Variants in HPCAL1 observed in about 807,000 individuals in gnomAD.
HPCAL1 encodes hippocalcin like 1, also known as hippocalcin-like protein 1.
HPCAL1 carries 8 observed loss-of-function variants against 17.1 expected under a neutral mutation model. The observed-to-expected ratio is 0.47, with a 90% CI of 0.27 to 0.84. The LOEUF is 0.84. HPCAL1 is among the 40% of genes least tolerant of loss of function. HPCAL1 has a pLI of 0.13. For synonymous variants in HPCAL1, 112 were observed against 111.4 expected, an observed-to-expected ratio of 1.01 and a Z score of -0.03; for missense variants, 165 against 271.1, an observed-to-expected ratio of 0.61 and a Z score of 2.75.
intron 1 of HPCAL1, among the ~76,000 whole-genome samples, chr2:10,356,974 G>A (rs1237063942): frequency 1.3e-5 from 2 of 152,206 alleles, no homozygotes; most frequent in South Asian, 2.1e-4. Context: ...TTAGCTAGGC[G>A]TGGTGGCACA....
At chr2:10,317,837 C>G (rs1663415906) in intron 1 of HPCAL1, among the ~76,000 whole-genome samples, 1 of 152,218 alleles carries the variant, frequency 6.6e-6, no homozygotes, top group Admixed American at 6.5e-5. Context: ...GATCCTAGAC[C>G]ACATGAAGCC....
chr2:10,307,587 C>T (rs1401670904), intron 1 of HPCAL1, among the ~76,000 whole-genome samples: 1 of 152,134 alleles, frequency 6.6e-6, no homozygotes, highest in Non-Finnish European at 1.5e-5. Flanking sequence ...TGTCTCCTAC[C>T]TATTATGGTC....
chr2:10,326,192 TG>T, intron 1 of HPCAL1, among the ~76,000 whole-genome samples: 1 of 152,220 alleles, frequency 6.6e-6, no homozygotes, highest in East Asian at 1.9e-4. Flanking sequence ...GAGGGGTGGG[TG>T]GTAAACGTTC....
chr2:10,423,565 C>T (rs1671204568), intron 4 of HPCAL1: 1 of 167,246 alleles, frequency 6.0e-6, no homozygotes. Flanking sequence ...GCCACCTTGT[C>T]CACCTACAGC....
intron 1 of HPCAL1, among the ~76,000 whole-genome samples, chr2:10,393,855 C>G (rs1668848078): frequency 6.6e-6 from 1 of 151,906 alleles, no homozygotes; most frequent in South Asian, 2.1e-4. Flanking sequence ...TGGCTCACAC[C>G]TGTAATCCCA....
intron 1 of HPCAL1, among the ~76,000 whole-genome samples, chr2:10,308,678 C>T (rs1558446537): frequency 6.6e-6 from 1 of 152,168 alleles, no homozygotes; most frequent in African/African-American, 2.4e-5. Context: ...GCACTGGCAC[C>T]TACAGAATAC....
At chr2:10,405,616 C>A (rs1387715021) in intron 2 of HPCAL1, among the ~76,000 whole-genome samples, 1 of 152,228 alleles carries the variant, frequency 6.6e-6, no homozygotes, top group Non-Finnish European at 1.5e-5. Flanking sequence ...GATCTTCCCC[C>A]CAGGCATGGG....
chr2:10,407,314 A>G (rs1670034711), intron 2 of HPCAL1, among the ~76,000 whole-genome samples: 1 of 152,202 alleles, frequency 6.6e-6, no homozygotes, highest in South Asian at 2.1e-4. Flanking sequence ...TGACCATCCT[A>G]ACCCCTGACC....
At chr2:10,385,998 G>T (rs11903785) in intron 1 of HPCAL1, among the ~76,000 whole-genome samples, 15,331 of 152,174 alleles carry the variant, frequency 0.1, 1,014 homozygotes, top group Middle Eastern at 0.18. Context: ...TGGGTTTTAC[G>T]GCTGTCTGGC....
In HPCAL1 at chr2:10,419,661, G is replaced by T; in HGVS notation, c.-24-73G>T. On this transcript the variant is annotated intron_variant, in intron 2 of 4. Transcript: ENST00000307845. The surrounding 1 kb of genome is among the most constrained non-coding windows in gnomAD (Gnocchi z 5.0). ...GCTTGCACAGCGATGGGCTTATTTG[G>T]TCTCTCCGGCACATGGCTCAGCCCT... 7.0e-7 allele frequency: 1 copy of T among 1,438,180 alleles called. No individual in the cohort carries two copies. 89.1% of individuals were successfully genotyped at this position (1,438,180 alleles called of 1,614,324 possible).
chr2:10,329,995 C>G (rs1488290892), intron 1 of HPCAL1, among the ~76,000 whole-genome samples: 2 of 152,220 alleles, frequency 1.3e-5, no homozygotes, highest in Non-Finnish European at 2.9e-5. Flanking sequence ...AGTCGGGCCA[C>G]ACGGAAGGAG....
intron 2 of HPCAL1, among the ~76,000 whole-genome samples, chr2:10,407,135 C>T (rs1670025771): frequency 1.3e-5 from 2 of 152,168 alleles, no homozygotes; most frequent in Admixed American, 6.5e-5. Flanking sequence ...ATGTGTTCAC[C>T]TGGGAAGGAG....
intron 2 of HPCAL1, among the ~76,000 whole-genome samples, chr2:10,399,481 CCAT>C (rs1475133086): frequency 5.8e-5 from 7 of 119,932 alleles, no homozygotes; most frequent in Admixed American, 1.6e-4. Context: ...ATCATCACCA[CCAT>C]CACCGCCACC....
At chr2:10,417,878 C>CA (rs1267172447) in intron 2 of HPCAL1, among the ~76,000 whole-genome samples, 6,006 of 134,270 alleles carry the variant, frequency 0.045, 225 homozygotes, top group African/African-American at 0.11. Flanking sequence ...CCTGTTTCTA[C>CA]AAAAAAAAAA....
At chr2:10,326,353 A>G (rs1285074623) in intron 1 of HPCAL1, among the ~76,000 whole-genome samples, 2 of 152,216 alleles carry the variant, frequency 1.3e-5, no homozygotes, top group Non-Finnish European at 2.9e-5. Flanking sequence ...AGGTGGCTTC[A>G]GTGTGTTTGA....
chr2:10,368,086 G>A (rs1466369638), intron 1 of HPCAL1, among the ~76,000 whole-genome samples: 1 of 152,104 alleles, frequency 6.6e-6, no homozygotes, highest in Non-Finnish European at 1.5e-5. Context: ...ATGTGTAGGT[G>A]TGTGCCTGTG....
At chr2:10,325,803 C>T (rs936340920) in intron 1 of HPCAL1, among the ~76,000 whole-genome samples, 3 of 152,336 alleles carry the variant, frequency 2.0e-5, no homozygotes, top group South Asian at 4.1e-4. Context: ...CTTTGCACCT[C>T]GGTCCTGCTG....
chr2:10,313,729 T>C (rs549829644), intron 1 of HPCAL1, among the ~76,000 whole-genome samples: 1 of 152,376 alleles, frequency 6.6e-6, no homozygotes, highest in Non-Finnish European at 1.5e-5. Context: ...CTAAGTCCTC[T>C]GTCAGCTCTG....
chr2:10,312,050 G>A (rs576845550), intron 1 of HPCAL1, among the ~76,000 whole-genome samples: 22 of 140,228 alleles, frequency 1.6e-4, no homozygotes, highest in African/African-American at 3.0e-4. Flanking sequence ...CATCATCATC[G>A]TCATCACTAT....
Sources: gnomAD v4.1 joint callset for allele counts (sites outside exome capture counted in the v4.1 genomes callset) on GRCh38, gnomAD v4.1.1 for gene constraint, Gnocchi (gnomAD v3.1) non-coding constraint, MANE v1.5 for transcripts, NCBI Gene and HGNC (gene_info 2026-07-23, HGNC 2026-07-21) for gene names.